Variants in NDOR1 observed in about 807,000 individuals in gnomAD.
NDOR1 encodes NADPH dependent diflavin oxidoreductase 1.
NDOR1 carries 61 observed loss-of-function variants against 67.2 expected under a neutral mutation model. The ratio of observed to expected loss-of-function variants is 0.91; its 90% CI spans 0.74 to 1.12. The LOEUF is 1.12. Among genes scored for constraint, NDOR1 ranks in the 50% most tolerant of loss-of-function variants. The pLI is 0.00. For missense variants in NDOR1, 878 were observed against 802.8 expected (o/e 1.09, Z -1.13); for synonymous variants, 378 against 343.7 (o/e 1.10, Z -1.10).
intron 2 of NDOR1, among the ~76,000 whole-genome samples, chr9:137,210,402 T>G (rs1326290401): frequency 1.3e-5 from 2 of 151,904 alleles, no homozygotes; most frequent in Non-Finnish European, 2.9e-5. Flanking sequence ...TTTTTTTTTT[T>G]TTGTATTTTT....
rs1835325485 is a variant in NDOR1 at position 137,212,753 on chromosome 9, G to A, written c.311+154G>A. ...TGGCTTCTCCACAACGCTCCCTGGT[G>A]GGCACCCCAGGCTTCACGCTGCGGG... On this transcript the variant is annotated intron_variant, in intron 3 of 13. Transcript: ENST00000684003. This position sits in a 1 kb window ranked among gnomAD's most constrained non-coding sequence, Gnocchi z 4.3. 3 of 678,148 alleles carry A rather than the reference G, an allele frequency of 4.4e-6. No homozygotes were observed. The highest frequency in any genetic ancestry group is 7.7e-6 in the Non-Finnish European group (3 of 388,056). The allele number at this position is 678,148 out of a possible 1,614,324, so 42.0% of individuals were successfully genotyped here. A position where few individuals can be genotyped will look rare whatever the true frequency, so the allele number is the denominator to read the frequency against.
At chr9:137,208,633 T>C (rs1835098789) in intron 2 of NDOR1, among the ~76,000 whole-genome samples, 1 of 151,868 alleles carries the variant, frequency 6.6e-6, no homozygotes, top group Non-Finnish European at 1.5e-5. Flanking sequence ...GCCCAGGAGT[T>C]CAAGACCAGA....
At position 137,212,874 on chromosome 9, in the gene NDOR1, A is replaced by G. The variant is rs149746166; in HGVS notation, c.311+275A>G. 5.1e-3 allele frequency: 2,366 copies of G among 465,638 alleles called. 49 individuals carry two copies. Among genetic ancestry groups the G allele is most frequent in the African/African-American group, 0.042 (2,146 of 51,204 alleles). The allele number at this position is 465,638 out of a possible 1,614,324, so 28.8% of individuals were successfully genotyped here. A position where few individuals can be genotyped will look rare whatever the true frequency, so the allele number is the denominator to read the frequency against. Reference sequence around the variant, plus strand: ...ACCTGGCGCCGGTCCCCACTTTTACAAAAAGGCGTGCTGTGAAGTGTTGAC... The same window carrying G: ...ACCTGGCGCCGGTCCCCACTTTTACGAAAAGGCGTGCTGTGAAGTGTTGAC... On this transcript the variant is annotated intron_variant, in intron 3 of 13. Coordinates refer to ENST00000684003, the MANE Select transcript of NDOR1 (RefSeq NM_014434.4). The surrounding 1 kb of genome is among the most constrained non-coding windows in gnomAD (Gnocchi z 4.3).
Position 137,212,220 on chromosome 9 carries a change from C to T in NDOR1, c.214-282C>T, listed in dbSNP as rs1204133938. On this transcript the variant is annotated intron_variant, in intron 2 of 13. Coordinates refer to ENST00000684003, the MANE Select transcript of NDOR1 (RefSeq NM_014434.4). This position sits in a 1 kb window ranked among gnomAD's most constrained non-coding sequence, Gnocchi z 4.3. ...CCTGGGGCAGAGGAGGGTGATGTCC[C>T]AGGAAGGAAGCTCCACGCAGGCCTG... is the stretch of plus-strand genomic sequence containing the variant. 6.6e-6 allele frequency among the ~76,000 whole-genome samples: 1 copy of T among 152,100 alleles called. No individual in the cohort carries two copies. The highest frequency in any genetic ancestry group is 2.4e-5 in the African/African-American group (1 of 41,416).
chr9:137,213,910 A>G, intron 4 of NDOR1, 32 bp downstream of exon 4: 5 of 1,598,404 alleles, frequency 3.1e-6, no homozygotes, highest in Non-Finnish European at 4.3e-6. Flanking sequence ...CCGCCTCCAC[A>G]GTCTGGTCTG....
In NDOR1 at chr9:137,205,762, C is replaced by T. The variant is rs1207008333; in HGVS notation, c.-16C>T. 1.2e-6 allele frequency: 2 copies of T among 1,602,288 alleles called. No homozygotes were observed. Among genetic ancestry groups the T allele is most frequent in the South Asian group, 2.2e-5 (2 of 91,080 alleles). ...TCTAGTTTTTAGTCTCAGACCAGAC[C>T]ACCGGGCGCACCCCGATGCCGAGCC... On this transcript the variant is annotated 5_prime_UTR_variant, in exon 1 of 14. Coordinates refer to ENST00000684003, the MANE Select transcript of NDOR1 (RefSeq NM_014434.4).
At position 137,218,696 on chromosome 9, in the gene NDOR1, C is replaced by G; in HGVS notation, c.*2280C>G. ...GGTGCTGTGAGGCCTGATGACCAGG[C>G]TGGAAAAACCCAAGGTTGGGTCCAG... On this transcript the variant is annotated 3_prime_UTR_variant, in exon 14 of 14. Transcript: ENST00000684003. 2.5e-6 allele frequency: 1 copy of G among 397,990 alleles called. No homozygotes were observed. The highest frequency in any genetic ancestry group is 4.4e-6 in the Non-Finnish European group (1 of 225,790). The allele number at this position is 397,990 out of a possible 1,614,324, so 24.7% of individuals were successfully genotyped here. A position where few individuals can be genotyped will look rare whatever the true frequency, so the allele number is the denominator to read the frequency against.
At position 137,212,789 on chromosome 9, in the gene NDOR1, A is replaced by AGG; in HGVS notation, c.311+193_311+194dup. 1.7e-6 allele frequency: 1 copy of AGG among 589,342 alleles called. No individual in the cohort carries two copies. The highest frequency in any genetic ancestry group is 2.0e-5 in the South Asian group (1 of 49,550). The allele number at this position is 589,342 out of a possible 1,614,324, so 36.5% of individuals were successfully genotyped here. On this transcript the variant is annotated intron_variant, in intron 3 of 13. Coordinates refer to ENST00000684003, the MANE Select transcript of NDOR1 (RefSeq NM_014434.4). The surrounding 1 kb of genome is among the most constrained non-coding windows in gnomAD (Gnocchi z 4.3). Reference sequence around the variant, plus strand: ...GCTTCACGCTGCGGGGAGGGCACAGAGGGGAGCAGGCAGGGTGGCAAAGGG... The same window carrying AGG: ...GCTTCACGCTGCGGGGAGGGCACAGAGGGGGGAGCAGGCAGGGTGGCAAAGGG...
At chr9:137,213,350 C>T (rs1472188284) in intron 3 of NDOR1, among the ~76,000 whole-genome samples, 1 of 152,188 alleles carries the variant, frequency 6.6e-6, no homozygotes, top group Non-Finnish European at 1.5e-5. Flanking sequence ...GCCTCGGAAC[C>T]AGAGTGAGAA....
rs756999272 is a variant in NDOR1, at chr9:137,216,170, C to T, written c.1631C>T (p.Ala544Val). 6.2e-7 allele frequency: 1 copy of T among 1,613,548 alleles called. No individual in the cohort carries two copies. The highest frequency in any genetic ancestry group is 1.7e-5 in the Admixed American group (1 of 60,038). ...TGGGAACTGCTGGACCGCCAGGGTG[C>T]ATACTTCTACCTGGCAGGGTGAGCT... ...LVWELLDRQG[A>V]YFYLAGNAKS... The change falls in exon 13 of 14, where the codon GCA (alanine) becomes GTA (valine). Residue 544 changes from alanine to valine, a missense_variant. Coordinates refer to ENST00000684003, the MANE Select transcript of NDOR1 (RefSeq NM_014434.4).
chr9:137,213,298 C>T (rs759449538), intron 3 of NDOR1, among the ~76,000 whole-genome samples: 8 of 152,204 alleles, frequency 5.3e-5, no homozygotes, highest in Admixed American at 1.3e-4. Flanking sequence ...AGGCCGCTGC[C>T]GACAGCGTTC....
chr9:137,209,177 G>A (rs1198880945), intron 2 of NDOR1, among the ~76,000 whole-genome samples: 1 of 152,142 alleles, frequency 6.6e-6, no homozygotes, highest in Non-Finnish European at 1.5e-5. Flanking sequence ...CACCACACCC[G>A]GCCAAAACTT....
rs760447962 is a variant in NDOR1 at position 137,206,251 on chromosome 9, C to T, written c.155C>T (p.Pro52Leu). 2 of 1,613,838 alleles carry T rather than the reference C, an allele frequency of 1.2e-6. No homozygotes were observed. Among genetic ancestry groups the T allele is most frequent in the African/African-American group, 1.3e-5 (1 of 74,906 alleles). Reference protein sequence around the residue: ...SYPVVNLINEPLVIFVCATTG... With the variant: ...SYPVVNLINELLVIFVCATTG... ...GTTGAGGTGAATCTGATTAACGAGC[C>T]CCTGGTGATATTTGTTTGTGCAACT... Residue 52 changes from proline to leucine, a missense_variant, in exon 2 of 14, where the codon CCC becomes CTC. Coordinates refer to ENST00000684003, the MANE Select transcript of NDOR1 (RefSeq NM_014434.4).
chr9:137,206,515 C>G (rs1188737294), intron 2 of NDOR1, among the ~76,000 whole-genome samples: 1 of 152,234 alleles, frequency 6.6e-6, no homozygotes. Flanking sequence ...GCCTTATTAT[C>G]CGTTTTAACC....
At position 137,218,444 on chromosome 9, in the gene NDOR1, G is replaced by A; in HGVS notation, c.*2028G>A. On this transcript the variant is annotated 3_prime_UTR_variant, in exon 14 of 14. Transcript: ENST00000684003. ...CTTCCTGCCCTGTCCACCCTGCCTGGGTGCCCGGCTCTGGACCCTGCGGGA... is the reference window on the plus strand; with the variant it reads ...CTTCCTGCCCTGTCCACCCTGCCTGAGTGCCCGGCTCTGGACCCTGCGGGA... 2.5e-6 allele frequency: 1 copy of A among 398,598 alleles called. No homozygotes were observed. The highest frequency in any genetic ancestry group is 4.4e-6 in the Non-Finnish European group (1 of 226,050). The allele number at this position is 398,598 out of a possible 1,614,324, so 24.7% of individuals were successfully genotyped here.
intron 2 of NDOR1, among the ~76,000 whole-genome samples, chr9:137,208,688 G>A (rs941716371): frequency 6.6e-6 from 1 of 152,012 alleles, no homozygotes; most frequent in Admixed American, 6.5e-5. Context: ...AACTGGTGCA[G>A]TGGCTCATGC....
chr9:137,215,400 T>C lies in NDOR1; in HGVS notation c.1174-7T>C, dbSNP rs1185063708. ...TTCCACCACCCCCACCCCGCCGTCC[T>C]CCCCAGACTCACCCCTCACGGCTGC... On this transcript the variant is annotated splice_polypyrimidine_tract_variant and splice_region_variant and intron_variant, in intron 9 of 13. Transcript: ENST00000684003. The C allele has an allele frequency of 9.3e-7, 1 of 1,074,116 alleles. No individual in the cohort carries two copies. The highest frequency in any genetic ancestry group is 1.4e-6 in the Non-Finnish European group (1 of 730,420). The allele number at this position is 1,074,116 out of a possible 1,614,324, so 66.5% of individuals were successfully genotyped here.
chr9:137,211,818 C>T (rs9414697), intron 2 of NDOR1, among the ~76,000 whole-genome samples: 62,082 of 150,444 alleles, frequency 0.41, 13,103 homozygotes, highest in East Asian at 0.54. Context: ...GGGTGGGCGG[C>T]GAAGACCACG....
At chr9:137,208,595 G>A (rs1303035524) in intron 2 of NDOR1, among the ~76,000 whole-genome samples, 2 of 152,116 alleles carry the variant, frequency 1.3e-5, no homozygotes, top group East Asian at 1.9e-4. Context: ...CCAGCAATTT[G>A]GGAGGCCGAG....
Sources: gnomAD v4.1 joint callset for allele counts (sites outside exome capture counted in the v4.1 genomes callset) on GRCh38, gnomAD v4.1.1 for gene constraint, Gnocchi (gnomAD v3.1) non-coding constraint, MANE v1.5 for transcripts, NCBI Gene and HGNC (gene_info 2026-07-23, HGNC 2026-07-21) for gene names.